IQCH: variants seen among roughly 807,000 people sequenced by gnomAD.
IQCH encodes the protein IQ motif containing H.
In IQCH, 98 loss-of-function variants were observed where a neutral mutation model predicts 117.0. The ratio of observed to expected loss-of-function variants is 0.84; its 90% CI spans 0.71 to 0.99. IQCH has a LOEUF of 0.99. Ranked by LOEUF, IQCH falls within the 50% of genes least tolerant of loss-of-function variation. The pLI is 0.00. For missense variants in IQCH, 1,102 were observed against 1,243.8 expected (o/e 0.89, Z 1.72); for synonymous variants, 412 against 448.2 (o/e 0.92, Z 1.02).
rs2083169904 is a variant in IQCH at position 67,475,037 on chromosome 15, A to T, written c.2677-659A>T. On this transcript the variant is annotated intron_variant, in intron 17 of 20. Transcript: ENST00000335894. This position sits in a 1 kb window ranked among gnomAD's most constrained non-coding sequence, Gnocchi z 5.7. ...CTGTTAAGATCATCAAACCACAGGG[A>T]AAGTCTGTGAAGCCGTCACAGGCCA... Among the ~76,000 whole-genome samples, 1 of 152,248 alleles carries T rather than the reference A, an allele frequency of 6.6e-6. No individual in the cohort carries two copies. The highest frequency in any genetic ancestry group is 2.4e-5 in the African/African-American group (1 of 41,462).
rs1298430311 is a variant in IQCH at position 67,443,482 on chromosome 15, G to A, written c.2506-21645G>A. 1.3e-5 allele frequency among the ~76,000 whole-genome samples: 2 copies of A among 152,144 alleles called. No individual in the cohort carries two copies. Among genetic ancestry groups the A allele is most frequent in the African/African-American group, 4.8e-5 (2 of 41,402 alleles). On this transcript the variant is annotated intron_variant, in intron 16 of 20. Coordinates refer to ENST00000335894, the MANE Select transcript of IQCH (RefSeq NM_001031715.3). This position sits in a 1 kb window ranked among gnomAD's most constrained non-coding sequence, Gnocchi z 5.0. ...CCACAAATATGGTGGAGTGTATACT[G>A]CTTGGGTGATGGGTGCAGCAAATTT...
At chr15:67,483,360 T>G (rs1034098355) in intron 18 of IQCH, among the ~76,000 whole-genome samples, 2 of 152,148 alleles carry the variant, frequency 1.3e-5, no homozygotes, top group Admixed American at 6.5e-5. Context: ...CTACTAAAAA[T>G]ACAAAAATTA....
At chr15:67,469,125 G>C (rs2083006477) in intron 17 of IQCH, among the ~76,000 whole-genome samples, 1 of 37,994 alleles carries the variant, frequency 2.6e-5, no homozygotes, top group South Asian at 6.4e-4. Context: ...AGAATATTTT[G>C]TCTTTTTTTT....
chr15:67,472,716 C>G lies in IQCH; in HGVS notation c.2677-2980C>G, dbSNP rs1367515988. On this transcript the variant is annotated intron_variant, in intron 17 of 20. Coordinates refer to ENST00000335894, the MANE Select transcript of IQCH (RefSeq NM_001031715.3). This position sits in a 1 kb window ranked among gnomAD's most constrained non-coding sequence, Gnocchi z 4.3. ...TGAACTTCTTTCTCACTCCATATAA[C>G]CTTTCCACTGCAGAATTCTGCTTGT... 6.6e-6 allele frequency among the ~76,000 whole-genome samples: 1 copy of G among 152,106 alleles called. No individual in the cohort carries two copies. Among genetic ancestry groups the G allele is most frequent in the African/African-American group, 2.4e-5 (1 of 41,410 alleles).
At chr15:67,448,345 A>G (rs2082437922) in intron 16 of IQCH, among the ~76,000 whole-genome samples, 1 of 151,318 alleles carries the variant, frequency 6.6e-6, no homozygotes, top group African/African-American at 2.4e-5. Flanking sequence ...TTTAGCATTA[A>G]GTATATCTCC....
At chr15:67,489,691 A>T (rs968125601) in intron 18 of IQCH, among the ~76,000 whole-genome samples, 15 of 151,812 alleles carry the variant, frequency 9.9e-5, no homozygotes, top group Admixed American at 5.3e-4. Flanking sequence ...ATCATCCAAG[A>T]AGTAAGGTAA....
intron 16 of IQCH, among the ~76,000 whole-genome samples, chr15:67,446,888 C>T (rs963033068): frequency 4.6e-5 from 7 of 152,190 alleles, no homozygotes; most frequent in Non-Finnish European, 7.3e-5. Flanking sequence ...CGAAGTCCCA[C>T]GGTAAATCAC....
At chr15:67,322,800 A>ACTC (rs1293482684) in intron 4 of IQCH, among the ~76,000 whole-genome samples, 3 of 1,230 alleles carry the variant, frequency 2.4e-3, no homozygotes, top group Non-Finnish European at 5.5e-3. Flanking sequence ...GTGGTTCCCC[A>ACTC]CCACCAGTTG....
chr15:67,440,545 GAT>G, intron 16 of IQCH, among the ~76,000 whole-genome samples: 1 of 152,266 alleles, frequency 6.6e-6, no homozygotes, highest in Admixed American at 6.5e-5. Context: ...TTATACCAGG[GAT>G]GCAGGGATGG....
In IQCH at chr15:67,430,122, T is replaced by C. The variant is rs923987321; in HGVS notation, c.2505+8545T>C. Among the ~76,000 whole-genome samples, 1 of 152,068 alleles carries C rather than the reference T, an allele frequency of 6.6e-6. No homozygotes were observed. Among genetic ancestry groups the C allele is most frequent in the Non-Finnish European group, 1.5e-5 (1 of 68,004 alleles). On this transcript the variant is annotated intron_variant, in intron 16 of 20. Transcript: ENST00000335894. The surrounding 1 kb of genome is among the most constrained non-coding windows in gnomAD (Gnocchi z 5.1). Reference sequence around the variant, plus strand: ...CTTCAGAGATGGCACGCAGAGTACATGGCACTCCAGAATACACAGAGCTAC... The same window carrying C: ...CTTCAGAGATGGCACGCAGAGTACACGGCACTCCAGAATACACAGAGCTAC...
chr15:67,274,086 T>C (rs1302438701), intron 3 of IQCH, among the ~76,000 whole-genome samples: 1 of 152,232 alleles, frequency 6.6e-6, no homozygotes, highest in East Asian at 1.9e-4. Context: ...CTTGCTGTTT[T>C]CAGGATCTTC....
chr15:67,306,828 G>C, intron 4 of IQCH: 1 of 1,530,874 alleles, frequency 6.5e-7, no homozygotes, highest in Non-Finnish European at 8.8e-7. Flanking sequence ...TTTTCTAGTA[G>C]GTCCTCAAAG....
intron 5 of IQCH, 65 bp from the exon 6 acceptor site, chr15:67,343,995 TTTA>T: frequency 7.0e-7 from 1 of 1,418,704 alleles, no homozygotes; most frequent in East Asian, 2.3e-5. Flanking sequence ...ACTTGTGAAA[TTTA>T]TAGAGCTCAG....
At chr15:67,263,585 T>C (rs1245445318) in intron 3 of IQCH, among the ~76,000 whole-genome samples, 1 of 152,362 alleles carries the variant, frequency 6.6e-6, no homozygotes, top group East Asian at 1.9e-4. Context: ...ATAATAATTA[T>C]TTCAATGTCC....
chr15:67,484,419 T>A (rs1181659295), intron 18 of IQCH, among the ~76,000 whole-genome samples: 1 of 146,172 alleles, frequency 6.8e-6, no homozygotes, highest in African/African-American at 2.5e-5. Context: ...AAAAAAAAAC[T>A]TTTAAATACA....
At chr15:67,305,130 C>T (rs559603410) in intron 4 of IQCH, among the ~76,000 whole-genome samples, 1 of 152,070 alleles carries the variant, frequency 6.6e-6, no homozygotes, top group Non-Finnish European at 1.5e-5. Flanking sequence ...ACACTGAAAA[C>T]AATTACTGAG....
intron 3 of IQCH, among the ~76,000 whole-genome samples, chr15:67,276,662 T>G (rs184524291): frequency 6.6e-6 from 1 of 152,260 alleles, no homozygotes; most frequent in Admixed American, 6.5e-5. Context: ...TCTTCTTACT[T>G]GCATAGTTTC....
intron 16 of IQCH, among the ~76,000 whole-genome samples, chr15:67,428,413 A>T (rs1273444318): frequency 6.6e-6 from 1 of 152,224 alleles, no homozygotes. Context: ...CGCTAAAGAT[A>T]TCCACACCCT....
intron 3 of IQCH, among the ~76,000 whole-genome samples, chr15:67,277,718 A>G (rs956476689): frequency 5.3e-5 from 8 of 151,904 alleles, no homozygotes; most frequent in African/African-American, 1.5e-4. Context: ...TATTTTTAGT[A>G]CAGACGGGGT....
Sources: allele counts gnomAD v4.1 joint callset (sites outside exome capture counted in the v4.1 genomes callset), GRCh38; gene constraint gnomAD v4.1.1; non-coding constraint Gnocchi (gnomAD v3.1); transcripts MANE v1.5; gene names NCBI Gene and HGNC (gene_info 2026-07-23, HGNC 2026-07-21).